The following TSPAN11 variants were observed in gnomAD, a reference collection of about 807,000 sequenced individuals.
TSPAN11 encodes tetraspanin-11.
A neutral mutation model predicts 32.9 loss-of-function variants in TSPAN11; 29 were observed. The observed-to-expected ratio is 0.88, with a 90% CI of 0.66 to 1.20. The LOEUF (loss-of-function observed/expected upper bound fraction) is 1.20. Ranked by LOEUF, TSPAN11 falls within the 50% of genes most tolerant of loss-of-function variation. The probability of loss-of-function intolerance (pLI) is 0.00; values close to 1 mark genes in which losing one functional copy is unlikely to be tolerated. For missense variants in TSPAN11, 283 were observed against 329.1 expected (o/e 0.86, Z 1.08); for synonymous variants, 140 against 141.3 (o/e 0.99, Z 0.07).
intron 1 of TSPAN11, among the ~76,000 whole-genome samples, chr12:30,947,989 C>A (rs1938303469): frequency 6.6e-6 from 1 of 152,142 alleles, no homozygotes; most frequent in Non-Finnish European, 1.5e-5. Flanking sequence ...TACAGCCATT[C>A]CAAATGGGAG....
chr12:30,986,489 C>T (rs73288437), intron 7 of TSPAN11, among the ~76,000 whole-genome samples: 1,745 of 152,326 alleles, frequency 0.011, 44 homozygotes, highest in African/African-American at 0.041. Context: ...CCTAGCATGA[C>T]GGCCTCCCCT....
Position 30,988,772 on chromosome 12 carries a change from A to C in TSPAN11, c.703-3084A>C, listed in dbSNP as rs1315640184. The stretch of plus-strand genomic sequence containing the variant: ...ATCTTATTCATGCACATCTGAAGAC[A>C]TCAAGCCTCACCAGAAAGTCACCTG... On this transcript the variant is annotated intron_variant, in intron 7 of 7. Coordinates refer to ENST00000546076, the MANE Select transcript of TSPAN11 (RefSeq NM_001370302.1). Among the ~76,000 whole-genome samples the C allele has an allele frequency of 2.6e-5, 4 of 152,112 alleles. No homozygotes were observed. The East Asian group carries it at 5.8e-4, about 22-fold the overall frequency.
intron 1 of TSPAN11, among the ~76,000 whole-genome samples, chr12:30,947,339 T>A (rs974870333): frequency 6.6e-6 from 1 of 152,166 alleles, no homozygotes; most frequent in Non-Finnish European, 1.5e-5. Flanking sequence ...CAGAGCTAAG[T>A]GGGTTTTGGA....
At chr12:30,939,539 A>G (rs1236416291) in intron 1 of TSPAN11, among the ~76,000 whole-genome samples, 1 of 152,202 alleles carries the variant, frequency 6.6e-6, no homozygotes, top group Non-Finnish European at 1.5e-5. Flanking sequence ...AACCACATGC[A>G]CGCACTCCAT....
At chr12:31,001,813 G>A in the TSPAN11 span, among the ~76,000 whole-genome samples, 2 of 152,146 alleles carry the variant, frequency 1.3e-5, no homozygotes, top group African/African-American at 4.8e-5. Context: ...GTCACCAGAT[G>A]TCCCCAGGGA....
rs1244623218 is a variant in TSPAN11, at chr12:30,975,553, T to C, written c.277-3008T>C. ...TCCGCAGGTCAGATAGCCTGTTTGA[T>C]GCCTCTGAACCAGCCTGTGCAGGGG... is the stretch of plus-strand genomic sequence containing the variant. On this transcript the variant is annotated intron_variant, in intron 3 of 7. Coordinates refer to ENST00000546076, the MANE Select transcript of TSPAN11 (RefSeq NM_001370302.1). The surrounding 1 kb of genome is among the most constrained non-coding windows in gnomAD (Gnocchi z 4.5). 2.0e-5 allele frequency among the ~76,000 whole-genome samples: 3 copies of C among 152,166 alleles called. No individual in the cohort carries two copies. The highest frequency in any genetic ancestry group is 2.0e-4 in the Admixed American group (3 of 15,276).
At chr12:30,940,031 C>T (rs142474688) in intron 1 of TSPAN11, among the ~76,000 whole-genome samples, 123 of 152,304 alleles carry the variant, frequency 8.1e-4, no homozygotes, top group African/African-American at 2.8e-3. Flanking sequence ...GAGAAAAAGA[C>T]GGGAAATCCC....
the TSPAN11 span, among the ~76,000 whole-genome samples, chr12:31,007,667 C>G: frequency 6.6e-6 from 1 of 152,140 alleles, no homozygotes; most frequent in Non-Finnish European, 1.5e-5. Flanking sequence ...CTCCCCGATG[C>G]TTTCTGTGGG....
chr12:30,981,389 T>C (rs1195490114), intron 5 of TSPAN11, among the ~76,000 whole-genome samples: 2 of 152,226 alleles, frequency 1.3e-5, no homozygotes, highest in Non-Finnish European at 2.9e-5. Flanking sequence ...CTCTTCTAAG[T>C]GCTTTATATG....
In TSPAN11 at chr12:30,994,965, A is replaced by G. The variant is rs563917155; in HGVS notation, c.*3050A>G. On this transcript the variant is annotated 3_prime_UTR_variant, in exon 8 of 8. Coordinates refer to ENST00000546076, the MANE Select transcript of TSPAN11 (RefSeq NM_001370302.1). ...CAGTTCTCCATCTCCATAAGGAGCC[A>G]TCAGGCTGTCATTAAGGAACAGAGT... 4 of 152,162 alleles carry G rather than the reference A, an allele frequency of 2.6e-5. No homozygotes were observed. The highest frequency in any genetic ancestry group is 6.5e-5 in the Admixed American group (1 of 15,278). 9.4% of individuals were successfully genotyped at this position (152,162 alleles called of 1,614,324 possible).
intron 3 of TSPAN11, among the ~76,000 whole-genome samples, chr12:30,970,976 C>T (rs1001318054): frequency 1.3e-5 from 2 of 152,180 alleles, no homozygotes; most frequent in Non-Finnish European, 2.9e-5. Context: ...GCGGGTGGTT[C>T]TGAGCTCCCT....
At chr12:30,944,453 A>G (rs990325349) in intron 1 of TSPAN11, among the ~76,000 whole-genome samples, 34 of 152,088 alleles carry the variant, frequency 2.2e-4, no homozygotes, top group African/African-American at 8.0e-4. Flanking sequence ...TAGATTTCAC[A>G]TGTGAGTAAG....
chr12:30,973,141 G>T (rs1368352995), intron 3 of TSPAN11, among the ~76,000 whole-genome samples: 1 of 152,180 alleles, frequency 6.6e-6, no homozygotes, highest in Non-Finnish European at 1.5e-5. Context: ...CAGAGCACAG[G>T]TTCTGCAGCT....
At position 30,983,047 on chromosome 12, in the gene TSPAN11, C is replaced by T; in HGVS notation, c.616-17C>T. On this transcript the variant is annotated splice_polypyrimidine_tract_variant and intron_variant, in intron 6 of 7. Transcript: ENST00000546076. ...TGCTCCTGGGCCATGGCCGCATCAC[C>T]TGCCCTTCTCTTACAGGGAGGCTGC... 6.2e-7 allele frequency: 1 copy of T among 1,610,442 alleles called. No individual in the cohort carries two copies. The highest frequency in any genetic ancestry group is 8.5e-7 in the Non-Finnish European group (1 of 1,179,442).
chr12:31,010,259 G>T, the TSPAN11 span, among the ~76,000 whole-genome samples: 1 of 152,202 alleles, frequency 6.6e-6, no homozygotes, highest in Non-Finnish European at 1.5e-5. Flanking sequence ...AAATTCTGAT[G>T]CCATGTCACC....
chr12:30,997,848 G>A (rs1233672329), downstream of TSPAN11, among the ~76,000 whole-genome samples: 2 of 152,178 alleles, frequency 1.3e-5, no homozygotes, highest in African/African-American at 4.8e-5. Context: ...TGCCACTTGC[G>A]GTGTAAGCAC....
intron 1 of TSPAN11, among the ~76,000 whole-genome samples, chr12:30,933,436 C>T (rs1265483741): frequency 6.6e-6 from 1 of 152,240 alleles, no homozygotes; most frequent in Non-Finnish European, 1.5e-5. Flanking sequence ...GACAGCCCAA[C>T]CCCTAAACCA....
chr12:30,998,609 G>A (rs1233976114), downstream of TSPAN11, among the ~76,000 whole-genome samples: 5 of 152,222 alleles, frequency 3.3e-5, no homozygotes, highest in African/African-American at 9.6e-5. Flanking sequence ...GGGGGCCTTT[G>A]CATCAGGCCA....
At chr12:30,937,901 A>G (rs1938079324) in intron 1 of TSPAN11, among the ~76,000 whole-genome samples, 5 of 152,254 alleles carry the variant, frequency 3.3e-5, no homozygotes, top group Admixed American at 2.0e-4. Flanking sequence ...TTTCAGACAC[A>G]TCCATGGCAA....
Sources: gnomAD v4.1 joint callset for allele counts (sites outside exome capture counted in the v4.1 genomes callset) on GRCh38, gnomAD v4.1.1 for gene constraint, Gnocchi (gnomAD v3.1) non-coding constraint, MANE v1.5 for transcripts, NCBI Gene and HGNC (gene_info 2026-07-23, HGNC 2026-07-21) for gene names.